Variants in BRD10 observed in about 807,000 individuals in gnomAD.
The protein encoded by BRD10 is uncharacterized bromodomain-containing protein 10.
the BRD10 span, among the ~76,000 whole-genome samples, chr9:5,997,601 A>G: frequency 3.9e-5 from 6 of 152,210 alleles, no homozygotes; most frequent in Non-Finnish European, 7.4e-5. Context: ...AGAAAAATAG[A>G]TCCAAATACA....
At chr9:5,947,385 G>T in the BRD10 span, among the ~76,000 whole-genome samples, 2 of 152,040 alleles carry the variant, frequency 1.3e-5, no homozygotes, top group African/African-American at 2.4e-5. Flanking sequence ...ATGGCTACTG[G>T]AACATTCTGG....
chr9:5,995,083 T>C, the BRD10 span, among the ~76,000 whole-genome samples: 36 of 152,206 alleles, frequency 2.4e-4, no homozygotes, highest in African/African-American at 7.9e-4. Context: ...GCATTTTCAA[T>C]AGAGACGGGG....
At chr9:5,940,343 G>A in the BRD10 span, among the ~76,000 whole-genome samples, 50 of 151,970 alleles carry the variant, frequency 3.3e-4, no homozygotes, top group African/African-American at 1.2e-3. Flanking sequence ...ACAGGCACGC[G>A]CCACTACAGC....
chr9:5,932,250 C>T, the BRD10 span, among the ~76,000 whole-genome samples: 1 of 151,800 alleles, frequency 6.6e-6, no homozygotes, highest in Non-Finnish European at 1.5e-5. Flanking sequence ...TATTCATATA[C>T]ACGGACAAGG....
chr9:5,927,899 T>A, the BRD10 span, among the ~76,000 whole-genome samples: 2 of 152,162 alleles, frequency 1.3e-5, no homozygotes, highest in African/African-American at 4.8e-5. Context: ...TTAAATACAA[T>A]CAAGATGCTG....
At chr9:5,946,586 T>G in the BRD10 span, among the ~76,000 whole-genome samples, 1 of 152,194 alleles carries the variant, frequency 6.6e-6, no homozygotes, top group Non-Finnish European at 1.5e-5. Context: ...CATAGTATAA[T>G]CTACTATTAT....
At chr9:5,945,028 AGT>A in the BRD10 span, 1 of 717,894 alleles carries the variant, frequency 1.4e-6, no homozygotes, top group Non-Finnish European at 2.2e-6. Flanking sequence ...TGGTAACAGA[AGT>A]TGTTTTAACA....
chr9:5,894,384 C>T, the BRD10 span, among the ~76,000 whole-genome samples: 20 of 152,114 alleles, frequency 1.3e-4, no homozygotes, highest in Non-Finnish European at 2.9e-5. The surrounding 1 kb of genome is among the most constrained non-coding windows in gnomAD (Gnocchi z 4.0). Context: ...AAGAAGGCAT[C>T]GGGGCAACCA....
the BRD10 span, among the ~76,000 whole-genome samples, chr9:5,975,178 G>A: frequency 5.3e-5 from 8 of 152,074 alleles, no homozygotes; most frequent in African/African-American, 1.2e-4. Flanking sequence ...GCTCGTGCCT[G>A]TAATCCCAGC....
At chr9:5,965,056 T>TAAAAAAA in the BRD10 span, among the ~76,000 whole-genome samples, 1 of 118,278 alleles carries the variant, frequency 8.5e-6, no homozygotes, top group Non-Finnish European at 1.8e-5. Context: ...TAAAGTATAA[T>TAAAAAAA]AAAAAAAAAA....
At chr9:5,988,438 C>T in the BRD10 span, 3 of 1,613,930 alleles carry the variant, frequency 1.9e-6, no homozygotes, top group Non-Finnish European at 8.5e-7. Context: ...TGCCAAACTT[C>T]GCGGTGTTGA....
At chr9:5,946,203 T>C in the BRD10 span, among the ~76,000 whole-genome samples, 1 of 151,938 alleles carries the variant, frequency 6.6e-6, no homozygotes, top group African/African-American at 2.4e-5. Flanking sequence ...ACCTAAGAGA[T>C]TAAGAAAAAA....
At chr9:5,947,822 T>C in the BRD10 span, among the ~76,000 whole-genome samples, 4 of 152,056 alleles carry the variant, frequency 2.6e-5, no homozygotes, top group African/African-American at 7.2e-5. Context: ...ATAAATAAAG[T>C]TCAACTTAAA....
chr9:5,919,596 G>C, the BRD10 span: 32 of 661,574 alleles, frequency 4.8e-5, no homozygotes, highest in Non-Finnish European at 7.3e-5. Context: ...TGTATAGTAT[G>C]CTTTCAACAG....
chr9:5,947,518 G>A, the BRD10 span, among the ~76,000 whole-genome samples: 1 of 151,970 alleles, frequency 6.6e-6, no homozygotes, highest in Admixed American at 6.6e-5. Context: ...TATTTATTCT[G>A]AGGTTATATT....
At chr9:5,952,717 T>C in the BRD10 span, among the ~76,000 whole-genome samples, 2 of 152,302 alleles carry the variant, frequency 1.3e-5, no homozygotes, top group East Asian at 1.9e-4. Context: ...CTCTAACATC[T>C]ACATTCCCAG....
At chr9:5,984,296 T>A in the BRD10 span, among the ~76,000 whole-genome samples, 1 of 152,046 alleles carries the variant, frequency 6.6e-6, no homozygotes, top group African/African-American at 2.4e-5. Flanking sequence ...TTAAAACACA[T>A]GTAGAAGGAA....
At chr9:5,960,134 G>A in the BRD10 span, among the ~76,000 whole-genome samples, 1 of 152,060 alleles carries the variant, frequency 6.6e-6, no homozygotes, top group African/African-American at 2.4e-5. Context: ...GTCTTTATCT[G>A]TACTTAACTA....
the BRD10 span, among the ~76,000 whole-genome samples, chr9:5,998,015 T>C: frequency 6.6e-5 from 10 of 152,206 alleles, no homozygotes; most frequent in Admixed American, 3.9e-4. Context: ...AAATATACTT[T>C]AGAAGTAGGA....
Sources: allele counts gnomAD v4.1 joint callset (sites outside exome capture counted in the v4.1 genomes callset), GRCh38; gene constraint gnomAD v4.1.1; non-coding constraint Gnocchi (gnomAD v3.1); transcripts MANE v1.5; gene names NCBI Gene and HGNC (gene_info 2026-07-23, HGNC 2026-07-21).